Variants in CDH4 observed in about 807,000 individuals in gnomAD.
The protein encoded by CDH4 is cadherin 4, also known as cadherin-4.
CDH4 carries 33 observed loss-of-function variants against 86.0 expected under a neutral mutation model. The observed-to-expected ratio is 0.38, with a 90% confidence interval of 0.29 to 0.51. CDH4 has a LOEUF of 0.51. CDH4 is among the 20% of genes least tolerant of loss of function. The pLI is 0.86. For synonymous variants in CDH4, 555 were observed against 549.4 expected, an observed-to-expected ratio of 1.01 and a Z score of -0.14; for missense variants, 1,114 against 1,307.4, an observed-to-expected ratio of 0.85 and a Z score of 2.28.
At chr20:61,478,654 G>A (rs1312870339) in intron 2 of CDH4, among the ~76,000 whole-genome samples, 1 of 152,202 alleles carries the variant, frequency 6.6e-6, no homozygotes, top group African/African-American at 2.4e-5. Context: ...GGTTCTACAG[G>A]TCTACCAAGG....
At chr20:61,894,831 G>A (rs1600746320) in intron 7 of CDH4, 79 bp from the exon 8 acceptor site, 1 of 1,481,816 alleles carries the variant, frequency 6.7e-7, no homozygotes, top group East Asian at 2.3e-5. Context: ...CCTGTAAACG[G>A]ATTTCTTTTG....
chr20:61,608,534 C>T (rs1179247808), intron 2 of CDH4, among the ~76,000 whole-genome samples: 2 of 152,212 alleles, frequency 1.3e-5, no homozygotes, highest in African/African-American at 4.8e-5. Flanking sequence ...CCCCACTGGG[C>T]GTTAAGGACT....
intron 2 of CDH4, among the ~76,000 whole-genome samples, chr20:61,601,606 T>G (rs922422828): frequency 6.6e-6 from 1 of 152,200 alleles, no homozygotes; most frequent in African/African-American, 2.4e-5. Context: ...CTCCTGTGTG[T>G]GTGCCCACCT....
At chr20:61,313,302 C>T (rs1168167320) in intron 2 of CDH4, among the ~76,000 whole-genome samples, 3 of 152,210 alleles carry the variant, frequency 2.0e-5, no homozygotes, top group African/African-American at 7.2e-5. Flanking sequence ...CCCGGAGACC[C>T]AGAAGCAGCA....
chr20:61,404,906 TG>T (rs944536402), intron 2 of CDH4, among the ~76,000 whole-genome samples: 1 of 152,006 alleles, frequency 6.6e-6, no homozygotes, highest in Admixed American at 6.6e-5. Flanking sequence ...AAAAATTAGC[TG>T]GGCATGGTGG....
chr20:61,557,796 G>A (rs1046021198), intron 2 of CDH4, among the ~76,000 whole-genome samples: 6 of 140,202 alleles, frequency 4.3e-5, no homozygotes, highest in African/African-American at 1.3e-4. Context: ...AGACAAACTC[G>A]GGCCATTCTG....
Position 61,524,367 on chromosome 20 carries a change from G to A in CDH4, c.170-219196G>A, listed in dbSNP as rs149667336. Among the ~76,000 whole-genome samples the A allele has an allele frequency of 7.2e-5, 11 of 152,284 alleles. No homozygotes were observed. The East Asian group carries it at 1.9e-3, about 27-fold the overall frequency. ...CACCTGCATTCGTGCGATTGTGTCG[G>A]CATCCTATTCCCGCATTCAACCGTG... On this transcript the variant is annotated intron_variant, in intron 2 of 15. Transcript: ENST00000614565.
At chr20:61,554,788 T>G (rs546337144) in intron 2 of CDH4, among the ~76,000 whole-genome samples, 1 of 152,374 alleles carries the variant, frequency 6.6e-6, no homozygotes, top group East Asian at 1.9e-4. Flanking sequence ...GTGAACATGT[T>G]TTCACACGTG....
chr20:61,304,817 G>A lies in CDH4; in HGVS notation c.169+49880G>A, dbSNP rs543909611. ...ATGCATGTATTGTGTGTGGGGATGT[G>A]TGTACAGTGTGTCCTTTGTGTTGCG... On this transcript the variant is annotated intron_variant, in intron 2 of 15. Coordinates refer to ENST00000614565, the MANE Select transcript of CDH4 (RefSeq NM_001794.5). Among the ~76,000 whole-genome samples the A allele has an allele frequency of 5.9e-5, 9 of 151,502 alleles. No homozygotes were observed. The South Asian group carries it at 1.9e-3, about 32-fold the overall frequency.
rs192396087 is a variant in CDH4 at position 61,544,715 on chromosome 20, A to G, written c.170-198848A>G. Among the ~76,000 whole-genome samples, 38 of 152,128 alleles carry G rather than the reference A, an allele frequency of 2.5e-4. 1 individual carries two copies. The East Asian group carries it at 7.2e-3, about 29-fold the overall frequency. On this transcript the variant is annotated intron_variant, in intron 2 of 15. Transcript: ENST00000614565. This position sits in a 1 kb window ranked among gnomAD's most constrained non-coding sequence, Gnocchi z 6.5. ...TTCTGCCACAGTTGCAGTTTGGGAT[A>G]ATTTTGGTGGAGAAAGTTGTAAAAC... is the stretch of plus-strand genomic sequence containing the variant.
At chr20:61,686,084 T>C (rs1014317184) in intron 2 of CDH4, among the ~76,000 whole-genome samples, 2 of 152,094 alleles carry the variant, frequency 1.3e-5, no homozygotes, top group Non-Finnish European at 2.9e-5. Context: ...CCAGTGAAAA[T>C]AGACCAGCGG....
intron 2 of CDH4, among the ~76,000 whole-genome samples, chr20:61,477,402 A>C (rs998840246): frequency 1.3e-5 from 2 of 152,222 alleles, no homozygotes; most frequent in African/African-American, 4.8e-5. Context: ...AAAGGCAGGT[A>C]TTGTCAAGAT....
chr20:61,621,198 T>C (rs1351338321), intron 2 of CDH4, among the ~76,000 whole-genome samples: 2 of 152,162 alleles, frequency 1.3e-5, no homozygotes, highest in Non-Finnish European at 2.9e-5. Context: ...TGTAAGAAAG[T>C]CTCCAATGGA....
rs530643625 is a variant in CDH4, at chr20:61,924,171, G to A, written c.1629-163G>A. ...CCGGGGGGGAGGGTGCCAGTCCAAC[G>A]TGGAGGGGAAGCCCTAGAGGAGGAC... is the stretch of plus-strand genomic sequence containing the variant. On this transcript the variant is annotated intron_variant, in intron 10 of 15. Coordinates refer to ENST00000614565, the MANE Select transcript of CDH4 (RefSeq NM_001794.5). Among the ~76,000 whole-genome samples the A allele has an allele frequency of 8.5e-5, 13 of 152,306 alleles. No individual in the cohort carries two copies. In the South Asian group the frequency reaches 1.2e-3, roughly 15 times the overall value.
In CDH4 at chr20:61,681,625, C is replaced by T. The variant is rs1047120831; in HGVS notation, c.170-61938C>T. On this transcript the variant is annotated intron_variant, in intron 2 of 15. Transcript: ENST00000614565. The surrounding 1 kb of genome is among the most constrained non-coding windows in gnomAD (Gnocchi z 4.5). ...TGGGAGGAGTCTCAGGATCCCCCTGCAGGAAGCCCGGAATCCCTTCCACAG... is the reference window on the plus strand; with the variant it reads ...TGGGAGGAGTCTCAGGATCCCCCTGTAGGAAGCCCGGAATCCCTTCCACAG... Among the ~76,000 whole-genome samples the T allele has an allele frequency of 2.6e-5, 4 of 152,186 alleles. No individual in the cohort carries two copies. Among genetic ancestry groups the T allele is most frequent in the African/African-American group, 9.7e-5 (4 of 41,448 alleles).
chr20:61,600,662 C>T (rs1031864274), intron 2 of CDH4, among the ~76,000 whole-genome samples: 3 of 152,156 alleles, frequency 2.0e-5, no homozygotes, highest in East Asian at 3.9e-4. Flanking sequence ...TATTAAAATC[C>T]GAGGATCCTT....
intron 2 of CDH4, among the ~76,000 whole-genome samples, chr20:61,303,885 G>A (rs1230300667): frequency 1.3e-5 from 2 of 152,150 alleles, no homozygotes; most frequent in African/African-American, 4.8e-5. Context: ...CGATGGGCAC[G>A]GTGCCATCCT....
intron 2 of CDH4, among the ~76,000 whole-genome samples, chr20:61,486,838 ATGATTG>A (rs1413330413): frequency 2.0e-5 from 3 of 152,190 alleles, no homozygotes; most frequent in Non-Finnish European, 4.4e-5. Context: ...CCAATGAACT[ATGATTG>A]CATCACTGTA....
chr20:61,511,234 C>T (rs781297059), intron 2 of CDH4, among the ~76,000 whole-genome samples: 7 of 152,200 alleles, frequency 4.6e-5, no homozygotes, highest in African/African-American at 1.4e-4. Flanking sequence ...GGAATGTGTG[C>T]GCGTTAGAAT....
Sources: allele counts gnomAD v4.1 joint callset (sites outside exome capture counted in the v4.1 genomes callset), GRCh38; gene constraint gnomAD v4.1.1; non-coding constraint Gnocchi (gnomAD v3.1); transcripts MANE v1.5; gene names NCBI Gene and HGNC (gene_info 2026-07-23, HGNC 2026-07-21).